KLF12: variants seen among roughly 807,000 people sequenced by gnomAD.
KLF12 encodes Krueppel-like factor 12.
In KLF12, 9 loss-of-function variants were observed where a neutral mutation model predicts 37.8. That is an observed-to-expected ratio of 0.24 (90% CI 0.14 to 0.42). KLF12 has a LOEUF of 0.42. KLF12 is among the 10% of genes least tolerant of loss of function. The pLI is 1.00. For missense variants in KLF12, 411 were observed against 516.0 expected, an observed-to-expected ratio of 0.80 and a Z score of 1.97; for synonymous variants, 208 against 202.1, an observed-to-expected ratio of 1.03 and a Z score of -0.25.
chr13:73,700,381 C>T (rs975035225), intron 7 of KLF12, among the ~76,000 whole-genome samples: 2 of 151,534 alleles, frequency 1.3e-5, no homozygotes, highest in African/African-American at 4.8e-5. Context: ...GGAATGAAAA[C>T]CTTTCCTATG....
At chr13:73,980,538 CTAAA>C (rs1370049604) in intron 2 of KLF12, among the ~76,000 whole-genome samples, 1 of 151,952 alleles carries the variant, frequency 6.6e-6, no homozygotes, top group Admixed American at 6.6e-5. Context: ...TTCAACAAAA[CTAAA>C]TATTAAATCA....
intron 3 of KLF12, among the ~76,000 whole-genome samples, chr13:73,935,042 C>T (rs971099752): frequency 2.6e-5 from 4 of 151,788 alleles, no homozygotes; most frequent in Non-Finnish European, 4.4e-5. Context: ...AGCAGTGGCA[C>T]GATCTCAACT....
intron 1 of KLF12, among the ~76,000 whole-genome samples, chr13:74,054,551 A>T (rs1350592409): frequency 1.3e-5 from 2 of 152,212 alleles, no homozygotes; most frequent in Admixed American, 1.3e-4. Context: ...AAGATTATCA[A>T]GTTCAAATGA....
intron 6 of KLF12, among the ~76,000 whole-genome samples, chr13:73,760,803 A>T (rs891886075): frequency 1.2e-4 from 18 of 152,134 alleles, no homozygotes; most frequent in African/African-American, 4.3e-4. Context: ...GTCCTTTAAA[A>T]CCTTAAAAAT....
rs369385633 is a variant in KLF12, at chr13:73,715,453, C to A, written c.942G>T (p.Arg314=). ...CCTCAAAATCACATCTGTGGATACG[C>A]CGTTTTCTGGAGTCTGGGGATTCAG... Residue 314 remains arginine (R), a synonymous_variant, in exon 7 of 8, where the codon CGG becomes CGT. Transcript: ENST00000377669. The A allele has an allele frequency of 1.2e-6, 2 of 1,614,060 alleles. No individual in the cohort carries two copies. Among genetic ancestry groups the A allele is most frequent in the East Asian group, 2.2e-5 (1 of 44,868 alleles).
chr13:74,226,173 G>C, the KLF12 span, among the ~76,000 whole-genome samples: 8 of 152,198 alleles, frequency 5.3e-5, no homozygotes, highest in African/African-American at 1.4e-4. Context: ...AATAAGATTA[G>C]ATAGAAAACA....
chr13:74,261,950 T>G, the KLF12 span, among the ~76,000 whole-genome samples: 2 of 152,190 alleles, frequency 1.3e-5, no homozygotes, highest in Admixed American at 1.3e-4. Context: ...ATGCTGCAAA[T>G]TCTCACCTTC....
the KLF12 span, among the ~76,000 whole-genome samples, chr13:74,242,982 C>G: frequency 3.3e-4 from 50 of 152,280 alleles, no homozygotes; most frequent in African/African-American, 1.1e-3. Context: ...GATACATATG[C>G]AGAACGTGCA....
At chr13:74,063,900 A>T (rs1274680896) in intron 1 of KLF12, among the ~76,000 whole-genome samples, 1 of 152,178 alleles carries the variant, frequency 6.6e-6, no homozygotes, top group African/African-American at 2.4e-5. Flanking sequence ...TGCTGTGCCC[A>T]AGCTGCCCTT....
At chr13:73,893,994 G>T (rs1254617833) in intron 3 of KLF12, among the ~76,000 whole-genome samples, 1 of 152,048 alleles carries the variant, frequency 6.6e-6, no homozygotes, top group East Asian at 1.9e-4. Context: ...GAACAACAAG[G>T]GCTCTTAGGA....
At chr13:74,287,862 T>C in the KLF12 span, among the ~76,000 whole-genome samples, 8 of 152,220 alleles carry the variant, frequency 5.3e-5, no homozygotes, top group African/African-American at 1.9e-4. Flanking sequence ...CAAGCATGGC[T>C]TTGTTTGCAT....
intron 1 of KLF12, among the ~76,000 whole-genome samples, chr13:74,120,535 A>C (rs913980076): frequency 2.0e-5 from 3 of 151,990 alleles, no homozygotes; most frequent in African/African-American, 7.2e-5. Flanking sequence ...ATTTAGGTAA[A>C]ATTAATATGA....
intron 6 of KLF12, among the ~76,000 whole-genome samples, chr13:73,748,899 T>C (rs1878550236): frequency 6.6e-6 from 1 of 152,234 alleles, no homozygotes; most frequent in South Asian, 2.1e-4. Flanking sequence ...CTGTTCTTTA[T>C]ATTTATTCAC....
the KLF12 span, among the ~76,000 whole-genome samples, chr13:74,169,458 T>G: frequency 6.6e-6 from 1 of 152,294 alleles, no homozygotes; most frequent in Non-Finnish European, 1.5e-5. Flanking sequence ...TATATCTTAT[T>G]CTATTTGTAA....
chr13:74,156,329 C>T, the KLF12 span, among the ~76,000 whole-genome samples: 1 of 152,160 alleles, frequency 6.6e-6, no homozygotes, highest in Non-Finnish European at 1.5e-5. Flanking sequence ...TCTCTTATCT[C>T]CTTTGGGATG....
At chr13:73,975,863 A>C (rs1337959438) in intron 2 of KLF12, among the ~76,000 whole-genome samples, 6 of 152,128 alleles carry the variant, frequency 3.9e-5, no homozygotes, top group Non-Finnish European at 5.9e-5. Flanking sequence ...TTTGCACTGA[A>C]AAATCTTCAC....
At position 73,813,277 on chromosome 13, in the gene KLF12, G is replaced by A. The variant is rs750500573; in HGVS notation, c.681C>T (p.Asp227=). 3 of 1,613,940 alleles carry A rather than the reference G, an allele frequency of 1.9e-6. No individual in the cohort carries two copies. The highest frequency in any genetic ancestry group is 2.2e-5 in the East Asian group (1 of 44,884). Residue 227 remains aspartate, a synonymous_variant, in exon 5 of 8, where the codon GAC becomes GAT. Coordinates refer to ENST00000377669, the MANE Select transcript of KLF12 (RefSeq NM_007249.5). ...TTTGTCTGGGAGATAGGCCTCGGGG[G>A]TCCATTTGTGCTGGAGAGAAAAGGC...
chr13:73,816,599 T>C (rs919289147), intron 4 of KLF12, among the ~76,000 whole-genome samples: 7 of 152,332 alleles, frequency 4.6e-5, no homozygotes, highest in Non-Finnish European at 7.4e-5. Flanking sequence ...CTATGGTAGA[T>C]TGTTACTATA....
At chr13:74,185,958 T>C in the KLF12 span, among the ~76,000 whole-genome samples, 3 of 152,108 alleles carry the variant, frequency 2.0e-5, no homozygotes, top group Non-Finnish European at 4.4e-5. Flanking sequence ...CTTCTTAACT[T>C]TGTGGTAGGT....
Sources: allele counts gnomAD v4.1 joint callset (sites outside exome capture counted in the v4.1 genomes callset), GRCh38; gene constraint gnomAD v4.1.1; transcripts MANE v1.5; gene names NCBI Gene and HGNC (gene_info 2026-07-23, HGNC 2026-07-21).